The following ACVR2A variants were observed in gnomAD, a reference collection of about 807,000 sequenced individuals.
The protein encoded by ACVR2A is activin A receptor type 2A.
Under a neutral mutation model 61.4 loss-of-function variants are expected in ACVR2A, and 7 were observed. The ratio of observed to expected loss-of-function variants is 0.11; its 90% CI spans 0.06 to 0.21. The LOEUF (loss-of-function observed/expected upper bound fraction) is 0.21, where lower values mean the gene tolerates loss of function less well. Ranked by LOEUF, ACVR2A falls within the 10% of genes least tolerant of loss-of-function variation. The pLI is 1.00. For missense variants in ACVR2A, 322 were observed against 621.7 expected (o/e 0.52, Z 5.13); for synonymous variants, 193 against 208.3 (o/e 0.93, Z 0.63).
intron 3 of ACVR2A, 72 bp from the exon 4 acceptor site, chr2:147,899,670 TGA>T (rs1414033767): frequency 6.3e-7 from 1 of 1,588,590 alleles, no homozygotes. Flanking sequence ...CCCCAAAATT[TGA>T]GACTATGACA....
At chr2:147,910,067 G>C (rs1387017147) in intron 4 of ACVR2A, among the ~76,000 whole-genome samples, 4 of 152,102 alleles carry the variant, frequency 2.6e-5, no homozygotes, top group African/African-American at 4.8e-5. Flanking sequence ...GCAAACATAT[G>C]TGGTTATTTT....
chr2:147,917,291 G>C lies in ACVR2A; in HGVS notation c.681G>C (p.Gln227His), dbSNP rs2105215816. 6.2e-7 allele frequency: 1 copy of C among 1,611,532 alleles called. No homozygotes were observed. The highest frequency in any genetic ancestry group is 1.1e-5 in the South Asian group (1 of 90,876). ...TTTCTTTTTGACTCTAGGACAAACA[G>C]TCATGGCAAAATGAATACGAAGTCT... ...AVKIFPIQDK[Q>H]SWQNEYEVYS... is the part of the protein sequence containing the mutation. Residue 227 changes from glutamine to histidine, a missense_variant, in exon 6 of 11, where the codon CAG becomes CAC. Physicochemically the swap from Gln to His is conservative, Grantham distance 24 (BLOSUM62 0). Around this residue, in one of 3 missense-constraint regions of ACVR2A, gnomAD observed 146 missense variants for 383.8 expected, o/e 0.38. Coordinates refer to ENST00000241416, the MANE Select transcript of ACVR2A (RefSeq NM_001616.5).
At chr2:147,880,217 A>T (rs1686266459) in intron 1 of ACVR2A, among the ~76,000 whole-genome samples, 2 of 152,016 alleles carry the variant, frequency 1.3e-5, no homozygotes. Flanking sequence ...TTTTAAAAAA[A>T]ATTTTTTATA....
intron 1 of ACVR2A, among the ~76,000 whole-genome samples, chr2:147,861,508 C>T (rs899818427): frequency 2.6e-5 from 4 of 152,098 alleles, no homozygotes; most frequent in African/African-American, 9.7e-5. Flanking sequence ...ACAGGTTGAG[C>T]ATGCCAGATC....
intron 1 of ACVR2A, among the ~76,000 whole-genome samples, chr2:147,855,292 A>G (rs1248648216): frequency 6.6e-6 from 1 of 152,232 alleles, no homozygotes; most frequent in Non-Finnish European, 1.5e-5. Flanking sequence ...CACAGAGGCG[A>G]AGCTCAGTGA....
At chr2:147,899,170 A>G (rs563836265) in intron 2 of ACVR2A, among the ~76,000 whole-genome samples, 1 of 152,230 alleles carries the variant, frequency 6.6e-6, no homozygotes, top group South Asian at 2.1e-4. Flanking sequence ...TTAAAAAAAT[A>G]AAAAAAGATG....
At chr2:147,877,386 T>G (rs574092289) in intron 1 of ACVR2A, 2 of 152,322 alleles carry the variant, frequency 1.3e-5, no homozygotes, top group Admixed American at 6.5e-5. Context: ...CACAAAGTTT[T>G]TTTCAAGACA....
chr2:147,866,624 G>A (rs1685862016), intron 1 of ACVR2A, among the ~76,000 whole-genome samples: 1 of 152,174 alleles, frequency 6.6e-6, no homozygotes, highest in East Asian at 1.9e-4. Context: ...AGACGAGTCT[G>A]CAGAGGTGGG....
rs1487040009 is a variant in ACVR2A at position 147,930,553 on chromosome 2, T to C, written c.*3279T>C. On this transcript the variant is annotated 3_prime_UTR_variant, in exon 11 of 11. Coordinates refer to ENST00000241416, the MANE Select transcript of ACVR2A (RefSeq NM_001616.5). ...CTCAGATATTCAACCAGCAGTACGT[T>C]TTTTATGCAGTCTCAACCCATATCC... The C allele has an allele frequency of 6.6e-6, 1 of 152,448 alleles. No individual in the cohort carries two copies. Among genetic ancestry groups the C allele is most frequent in the African/African-American group, 2.4e-5 (1 of 41,404 alleles). The allele number at this position is 152,448 out of a possible 1,614,324, so 9.4% of individuals were successfully genotyped here.
At chr2:147,857,159 G>A (rs1182649818) in intron 1 of ACVR2A, among the ~76,000 whole-genome samples, 1 of 152,146 alleles carries the variant, frequency 6.6e-6, no homozygotes, top group African/African-American at 2.4e-5. Context: ...GGTCAGAGAA[G>A]AAGGGTGGTT....
At chr2:147,863,662 T>C (rs1685784045) in intron 1 of ACVR2A, among the ~76,000 whole-genome samples, 1 of 152,168 alleles carries the variant, frequency 6.6e-6, no homozygotes, top group Non-Finnish European at 1.5e-5. Flanking sequence ...CTTCATTAAG[T>C]GGAAGTAGAT....
rs184394396 is a variant in ACVR2A at position 147,884,244 on chromosome 2, C to T, written c.56-12057C>T. ...TGCAGTCACCATTATCCCTTCTCCCCGCAAAGAAGAACATCTAATGTTAGA... is the reference window on the plus strand; with the variant it reads ...TGCAGTCACCATTATCCCTTCTCCCTGCAAAGAAGAACATCTAATGTTAGA... On this transcript the variant is annotated intron_variant, in intron 1 of 10. Coordinates refer to ENST00000241416, the MANE Select transcript of ACVR2A (RefSeq NM_001616.5). Among the ~76,000 whole-genome samples, 646 of 152,264 alleles carry T rather than the reference C, an allele frequency of 4.2e-3. 3 individuals are homozygous for T. Among genetic ancestry groups the T allele is most frequent in the Middle Eastern group, 0.017 (5 of 294 alleles).
At chr2:147,925,165 GTTAT>G (rs1466178034) in intron 9 of ACVR2A, among the ~76,000 whole-genome samples, 2 of 151,978 alleles carry the variant, frequency 1.3e-5, no homozygotes, top group Admixed American at 1.3e-4. Flanking sequence ...AGACTTCAGA[GTTAT>G]TTAGAGAGTT....
intron 1 of ACVR2A, among the ~76,000 whole-genome samples, chr2:147,868,453 C>A (rs6711374): frequency 0.97 from 148,154 of 152,170 alleles, 72,244 homozygotes; most frequent in East Asian, 1. Context: ...CCTTTTTTCC[C>A]CTGTAGCAGT....
Position 147,927,186 on chromosome 2 carries a change from T to G in ACVR2A, c.1454T>G (p.Leu485Arg), listed in dbSNP as rs1439498173. 1 of 1,612,342 alleles carries G rather than the reference T, an allele frequency of 6.2e-7. No homozygotes were observed. The highest frequency in any genetic ancestry group is 1.7e-4 in the Middle Eastern group (1 of 6,044). Residue 485 changes from leucine (L) to arginine (R), a missense_variant, in exon 11 of 11, where the codon CTA (leucine) becomes CGA (arginine). Coordinates refer to ENST00000241416, the MANE Select transcript of ACVR2A (RefSeq NM_001616.5). The part of the protein sequence containing the change: ...VGERITQMQR[L>R]TNIITTEDIV... ...GAAAGAATTACCCAGATGCAGAGAC[T>G]AACAAATATTATTACCACAGAGGAC...
At chr2:147,895,405 G>A (rs1334218608) in intron 1 of ACVR2A, among the ~76,000 whole-genome samples, 1 of 152,092 alleles carries the variant, frequency 6.6e-6, no homozygotes, top group Admixed American at 6.6e-5. Context: ...CCAGTAAATT[G>A]TATATCACAG....
At chr2:147,852,960 A>C (rs978448440) in intron 1 of ACVR2A, among the ~76,000 whole-genome samples, 4 of 152,086 alleles carry the variant, frequency 2.6e-5, no homozygotes, top group African/African-American at 9.6e-5. Flanking sequence ...TAACCCTTAA[A>C]TTCAAATGAA....
intron 4 of ACVR2A, among the ~76,000 whole-genome samples, chr2:147,903,756 C>T (rs748008412): frequency 3.3e-5 from 5 of 151,904 alleles, no homozygotes; most frequent in Admixed American, 6.6e-5. Context: ...ATTTGTCATT[C>T]ATATAAATAA....
chr2:147,911,315 A>G (rs1320455946), intron 4 of ACVR2A, among the ~76,000 whole-genome samples: 3 of 152,100 alleles, frequency 2.0e-5, no homozygotes, highest in African/African-American at 4.8e-5. Context: ...TTTACCACCT[A>G]TCTCTCATAT....
Sources: allele counts gnomAD v4.1 joint callset (sites outside exome capture counted in the v4.1 genomes callset), GRCh38; gene constraint gnomAD v4.1.1; regional missense constraint gnomAD v4.1.1; transcripts MANE v1.5; gene names NCBI Gene and HGNC (gene_info 2026-07-23, HGNC 2026-07-21).